The following BNC2 variants were observed in gnomAD, a reference collection of about 807,000 sequenced individuals.
BNC2 encodes zinc finger protein basonuclin-2.
A neutral mutation model predicts 76.3 loss-of-function variants in BNC2; 20 were observed. The observed-to-expected ratio is 0.26, with a 90% CI of 0.18 to 0.38. The LOEUF is 0.38. BNC2 is among the 10% of genes least tolerant of loss of function. BNC2 has a pLI of 1.00. For synonymous variants in BNC2, 582 were observed against 514.8 expected (o/e 1.13, Z -1.77); for missense variants, 1,382 against 1,399.8 (o/e 0.99, Z 0.20).
intron 5 of BNC2, among the ~76,000 whole-genome samples, chr9:16,534,856 T>G (rs1168166875): frequency 6.6e-6 from 1 of 152,194 alleles, no homozygotes; most frequent in Non-Finnish European, 1.5e-5. Context: ...CTCTGAAACG[T>G]AACTAAATAG....
intron 5 of BNC2, among the ~76,000 whole-genome samples, chr9:16,442,196 C>T (rs994597811): frequency 1.3e-5 from 2 of 152,134 alleles, no homozygotes; most frequent in African/African-American, 4.8e-5. Context: ...TGTTGATTTC[C>T]TGTGAAAATA....
In BNC2 at chr9:16,411,567, C is replaced by T. The variant is rs935116699; in HGVS notation, c.*7422G>A. On this transcript the variant is annotated 3_prime_UTR_variant, in exon 7 of 7. Coordinates refer to ENST00000380672, the MANE Select transcript of BNC2 (RefSeq NM_017637.6). Reference sequence around the variant, plus strand: ...GGATTCTATTAAGATGTCTGATAAACGATTGTAACATATACATACTGAGGA... The same window carrying T: ...GGATTCTATTAAGATGTCTGATAAATGATTGTAACATATACATACTGAGGA... 3 of 152,548 alleles carry T rather than the reference C, an allele frequency of 2.0e-5. No individual in the cohort carries two copies. Among genetic ancestry groups the T allele is most frequent in the African/African-American group, 7.2e-5 (3 of 41,412 alleles). 9.4% of individuals were successfully genotyped at this position (152,548 alleles called of 1,614,324 possible).
chr9:16,575,198 G>T, intron 4 of BNC2: 1 of 926,416 alleles, frequency 1.1e-6, no homozygotes, highest in Non-Finnish European at 1.3e-6. Flanking sequence ...TGACAGAGCC[G>T]CGACGTGAAT....
At chr9:16,595,867 T>A (rs190318892) in intron 3 of BNC2, among the ~76,000 whole-genome samples, 1 of 151,882 alleles carries the variant, frequency 6.6e-6, no homozygotes. Flanking sequence ...CTCTTGAAAA[T>A]TAAGAAATAA....
rs1825058860 is a variant in BNC2, at chr9:16,747,951, G to C, written c.4-9466C>G. Among the ~76,000 whole-genome samples, 3 of 152,096 alleles carry C rather than the reference G, an allele frequency of 2.0e-5. No homozygotes were observed. In the South Asian group the frequency reaches 6.3e-4, roughly 32 times the overall value. ...AACATTTGCCTTCTTCCCAGTTCTA[G>C]AATTTGCTATTTTATTTTACTATGA... On this transcript the variant is annotated intron_variant, in intron 1 of 6. Transcript: ENST00000380672.
intron 6 of BNC2, among the ~76,000 whole-genome samples, chr9:16,424,049 C>T (rs1820758168): frequency 6.6e-6 from 1 of 152,104 alleles, no homozygotes; most frequent in South Asian, 2.1e-4. Flanking sequence ...CTTTACCATG[C>T]AACCACAGAA....
intron 3 of BNC2, among the ~76,000 whole-genome samples, chr9:16,696,787 C>T (rs1293696949): frequency 6.6e-6 from 1 of 152,104 alleles, no homozygotes; most frequent in Admixed American, 6.5e-5. Flanking sequence ...AACAAATACC[C>T]GTAAGGCAAG....
chr9:16,628,803 G>A (rs1821074536), intron 3 of BNC2, among the ~76,000 whole-genome samples: 1 of 152,150 alleles, frequency 6.6e-6, no homozygotes, highest in African/African-American at 2.4e-5. Context: ...TTTCCTTTCT[G>A]TGAAACAACA....
chr9:16,832,191 T>C (rs1466926001), intron 1 of BNC2: 8 of 939,866 alleles, frequency 8.5e-6, no homozygotes, highest in Non-Finnish European at 1.2e-5. Context: ...TTATTAAAAC[T>C]ACAAGGTAGT....
chr9:16,691,965 C>T (rs775334730), intron 3 of BNC2, among the ~76,000 whole-genome samples: 22 of 151,934 alleles, frequency 1.4e-4, no homozygotes, highest in Non-Finnish European at 2.6e-4. Context: ...TGCCTGCCAC[C>T]ATGCCTGGCT....
chr9:16,781,826 A>G (rs888405599), intron 1 of BNC2, among the ~76,000 whole-genome samples: 1 of 152,196 alleles, frequency 6.6e-6, no homozygotes, highest in Admixed American at 6.5e-5. Flanking sequence ...TGATATGAAC[A>G]CAATGTGCTT....
intron 1 of BNC2, among the ~76,000 whole-genome samples, chr9:16,868,691 A>G (rs908253638): frequency 1.3e-5 from 2 of 152,214 alleles, no homozygotes; most frequent in African/African-American, 4.8e-5. Context: ...TGGACTTTTA[A>G]TACAGCGCAC....
chr9:16,789,115 G>T (rs1433880499), intron 1 of BNC2, among the ~76,000 whole-genome samples: 1 of 152,150 alleles, frequency 6.6e-6, no homozygotes, highest in Non-Finnish European at 1.5e-5. Flanking sequence ...CTAAAGGAAA[G>T]AGACAGAATT....
chr9:16,421,405 T>C (rs535114256), intron 6 of BNC2: 1 of 647,166 alleles, frequency 1.5e-6, no homozygotes, highest in African/African-American at 1.9e-5. Flanking sequence ...TTTGAAAAAC[T>C]TAAACAATAA....
At chr9:16,533,609 C>G (rs1297456207) in intron 5 of BNC2, among the ~76,000 whole-genome samples, 1 of 151,998 alleles carries the variant, frequency 6.6e-6, no homozygotes, top group East Asian at 1.9e-4. Flanking sequence ...TAAAACTAAA[C>G]CTAGGTAGGA....
At chr9:16,782,875 A>T (rs73646253) in intron 1 of BNC2, among the ~76,000 whole-genome samples, 1 of 152,214 alleles carries the variant, frequency 6.6e-6, no homozygotes, top group South Asian at 2.1e-4. Flanking sequence ...TGAATGTATT[A>T]ATGAATGAGT....
intron 5 of BNC2, among the ~76,000 whole-genome samples, chr9:16,524,658 AATAAC>A (rs1187024586): frequency 6.6e-6 from 1 of 152,220 alleles, no homozygotes; most frequent in Non-Finnish European, 1.5e-5. Context: ...ATGTCATTAA[AATAAC>A]AATACAGTGG....
At position 16,506,513 on chromosome 9, in the gene BNC2, CTTTTTTTTTTT is replaced by C. The variant is rs568955982; in HGVS notation, c.669+46006_669+46016del. On this transcript the variant is annotated intron_variant, in intron 5 of 6. Coordinates refer to ENST00000380672, the MANE Select transcript of BNC2 (RefSeq NM_017637.6). ...GTACACTTCTCTCTCTCTCTCTCCTCTTTTTTTTTTTTTTTTTTTTTTTTTTTTTTTGACGG... is the reference window on the plus strand; with the variant it reads ...GTACACTTCTCTCTCTCTCTCTCCTCTTTTTTTTTTTTTTTTTTTTGACGG... Among the ~76,000 whole-genome samples the C allele has an allele frequency of 0.013, 549 of 43,350 alleles. 20 individuals carry two copies. The Admixed American group carries it at 0.13, about 10-fold the overall frequency. The allele number at this position is 43,350 out of a possible 152,430, so 28.4% of individuals were successfully genotyped here.
intron 4 of BNC2, among the ~76,000 whole-genome samples, chr9:16,581,899 G>A (rs552297342): frequency 2.0e-5 from 3 of 152,106 alleles, no homozygotes; most frequent in African/African-American, 4.8e-5. Context: ...ACCCCTTCCC[G>A]GGTATTCCTC....
Sources: gnomAD v4.1 joint callset for allele counts (sites outside exome capture counted in the v4.1 genomes callset) on GRCh38, gnomAD v4.1.1 for gene constraint, MANE v1.5 for transcripts, NCBI Gene and HGNC (gene_info 2026-07-23, HGNC 2026-07-21) for gene names.